Variants in SLC9A9 observed in about 807,000 individuals in gnomAD.
SLC9A9 encodes sodium/hydrogen exchanger 9.
SLC9A9 carries 62 observed loss-of-function variants against 77.8 expected under a neutral mutation model. The observed-to-expected ratio is 0.80, with a 90% confidence interval of 0.65 to 0.98. The LOEUF is 0.98. Ranked by LOEUF, SLC9A9 falls within the 50% of genes least tolerant of loss-of-function variation. The probability of loss-of-function intolerance (pLI) is 0.00; values close to 1 mark genes in which losing one functional copy is unlikely to be tolerated. For synonymous variants in SLC9A9, 320 were observed against 283.5 expected (o/e 1.13, Z -1.29); for missense variants, 775 against 774.9 (o/e 1.00, Z 0.00).
chr3:143,809,317 T>C (rs1242676020), intron 2 of SLC9A9, among the ~76,000 whole-genome samples: 2 of 152,252 alleles, frequency 1.3e-5, no homozygotes, highest in Non-Finnish European at 2.9e-5. Flanking sequence ...CCTATTGAAT[T>C]ATATTTTCTG....
chr3:143,524,122 A>G (rs1358766700), intron 9 of SLC9A9, among the ~76,000 whole-genome samples: 1 of 151,916 alleles, frequency 6.6e-6, no homozygotes, highest in Non-Finnish European at 1.5e-5. Context: ...CCAAGTGAAG[A>G]GAGGGGTTTT....
chr3:143,466,192 T>C (rs2035277287), intron 12 of SLC9A9, among the ~76,000 whole-genome samples: 1 of 152,314 alleles, frequency 6.6e-6, no homozygotes, highest in East Asian at 1.9e-4. Context: ...AGGCAGTAGG[T>C]ATAAATCTGT....
At chr3:143,460,061 C>T (rs780644323) in intron 12 of SLC9A9, among the ~76,000 whole-genome samples, 2 of 152,154 alleles carry the variant, frequency 1.3e-5, no homozygotes, top group African/African-American at 4.8e-5. Flanking sequence ...CAAATGTCCC[C>T]TTTCCTTTAT....
intron 12 of SLC9A9, among the ~76,000 whole-genome samples, chr3:143,443,290 C>G (rs749412465): frequency 2.6e-5 from 4 of 152,012 alleles, no homozygotes; most frequent in Admixed American, 6.6e-5. Flanking sequence ...AACAAAGGCT[C>G]TCCCCTCCTT....
chr3:143,443,601 A>G (rs2034790173), intron 12 of SLC9A9, among the ~76,000 whole-genome samples: 1 of 152,138 alleles, frequency 6.6e-6, no homozygotes, highest in Non-Finnish European at 1.5e-5. Flanking sequence ...GTTGACTAGC[A>G]ATAGTCTCTT....
chr3:143,651,210 C>T (rs1208443748), intron 6 of SLC9A9, among the ~76,000 whole-genome samples: 1 of 152,168 alleles, frequency 6.6e-6, no homozygotes, highest in East Asian at 1.9e-4. Flanking sequence ...CTGCCCATGG[C>T]TTTTGCTCTT....
intron 14 of SLC9A9, among the ~76,000 whole-genome samples, chr3:143,338,294 C>T (rs1053469009): frequency 5.3e-5 from 8 of 152,138 alleles, no homozygotes; most frequent in African/African-American, 1.9e-4. Flanking sequence ...TTTCAGCTTG[C>T]ACAAGGAATG....
At chr3:143,587,851 C>T (rs1011011178) in intron 6 of SLC9A9, among the ~76,000 whole-genome samples, 2 of 152,034 alleles carry the variant, frequency 1.3e-5, no homozygotes, top group African/African-American at 2.4e-5. Flanking sequence ...CAGCAGACCA[C>T]AGGAAATAAA....
chr3:143,613,352 A>C (rs2038050994), intron 6 of SLC9A9, among the ~76,000 whole-genome samples: 1 of 152,344 alleles, frequency 6.6e-6, no homozygotes, highest in South Asian at 2.1e-4. Flanking sequence ...AAGAAAATTA[A>C]GACTGTTGTG....
chr3:143,568,760 G>A (rs943419241), intron 8 of SLC9A9, among the ~76,000 whole-genome samples: 1 of 152,124 alleles, frequency 6.6e-6, no homozygotes, highest in African/African-American at 2.4e-5. Flanking sequence ...TGCTGACAAA[G>A]CCCTCCTGAA....
chr3:143,672,996 T>C (rs1011156394), intron 5 of SLC9A9, among the ~76,000 whole-genome samples: 1 of 152,120 alleles, frequency 6.6e-6, no homozygotes, highest in African/African-American at 2.4e-5. Flanking sequence ...ATCAACACCA[T>C]CAAAGGTAAG....
At chr3:143,493,961 A>G (rs1418205014) in intron 10 of SLC9A9, among the ~76,000 whole-genome samples, 197 bp from the exon 11 acceptor site, 2 of 152,210 alleles carry the variant, frequency 1.3e-5, no homozygotes, top group Non-Finnish European at 2.9e-5. Flanking sequence ...AATAATAGAG[A>G]ACTCTGCCTT....
At chr3:143,762,981 C>A (rs1446533416) in intron 4 of SLC9A9, among the ~76,000 whole-genome samples, 1 of 152,184 alleles carries the variant, frequency 6.6e-6, no homozygotes, top group African/African-American at 2.4e-5. Context: ...CTGGTCCAGG[C>A]TCTGCCATTC....
chr3:143,269,672 CTTATT>C (rs1937844699), intron 14 of SLC9A9, among the ~76,000 whole-genome samples: 2 of 152,124 alleles, frequency 1.3e-5, no homozygotes, highest in Non-Finnish European at 2.9e-5. Context: ...CTCAGGTTGC[CTTATT>C]TTAGTTTTTT....
chr3:143,480,887 T>A (rs867359008), intron 11 of SLC9A9, among the ~76,000 whole-genome samples: 7 of 152,160 alleles, frequency 4.6e-5, no homozygotes, highest in Middle Eastern at 3.2e-3. Flanking sequence ...GACAGTGTGA[T>A]GGTATCAAAT....
At chr3:143,586,541 A>G (rs1257090979) in intron 6 of SLC9A9, among the ~76,000 whole-genome samples, 3 of 152,238 alleles carry the variant, frequency 2.0e-5, no homozygotes, top group Non-Finnish European at 2.9e-5. Flanking sequence ...TTTTGTGTTT[A>G]AAATTCTTTA....
chr3:143,575,381 A>G (rs186406005), intron 7 of SLC9A9, among the ~76,000 whole-genome samples: 1 of 152,326 alleles, frequency 6.6e-6, no homozygotes, highest in African/African-American at 2.4e-5. Flanking sequence ...TTCCTGTCTG[A>G]AAATGAGAAT....
intron 9 of SLC9A9, among the ~76,000 whole-genome samples, chr3:143,512,075 AT>A (rs1326187192): frequency 1.3e-5 from 2 of 152,188 alleles, no homozygotes; most frequent in African/African-American, 4.8e-5. Context: ...CACCAACCAT[AT>A]TCGTTTTGTT....
At chr3:143,520,607 A>C (rs2036280292) in intron 9 of SLC9A9, among the ~76,000 whole-genome samples, 1 of 152,230 alleles carries the variant, frequency 6.6e-6, no homozygotes, top group African/African-American at 2.4e-5. Context: ...TTTAATTATC[A>C]CAATAATTCC....
Sources: allele counts gnomAD v4.1 joint callset (sites outside exome capture counted in the v4.1 genomes callset), GRCh38; gene constraint gnomAD v4.1.1; transcripts MANE v1.5; gene names NCBI Gene and HGNC (gene_info 2026-07-23, HGNC 2026-07-21).